The following SYNPR variants were observed in gnomAD, a reference collection of about 807,000 sequenced individuals.
SYNPR encodes the protein synaptoporin.
A neutral mutation model predicts 32.9 loss-of-function variants in SYNPR; 23 were observed. That is an observed-to-expected ratio of 0.70 (90% CI 0.50 to 0.99). The LOEUF is 0.99. Ranked by LOEUF, SYNPR falls within the 50% of genes least tolerant of loss-of-function variation. SYNPR has a pLI of 0.00. For missense variants in SYNPR, 318 were observed against 349.3 expected, an observed-to-expected ratio of 0.91 and a Z score of 0.71; for synonymous variants, 146 against 135.9, an observed-to-expected ratio of 1.07 and a Z score of -0.52.
intron 1 of SYNPR, among the ~76,000 whole-genome samples, chr3:63,247,240 A>G (rs2086299201): frequency 6.6e-6 from 1 of 152,114 alleles, no homozygotes; most frequent in East Asian, 1.9e-4. Context: ...TCTAAATACT[A>G]TTTGACTATT....
At chr3:63,326,490 A>T (rs910365049) in intron 2 of SYNPR, among the ~76,000 whole-genome samples, 4 of 152,166 alleles carry the variant, frequency 2.6e-5, no homozygotes, top group Non-Finnish European at 5.9e-5. Context: ...TCTCCTTCGT[A>T]ACAAATAGGA....
At chr3:63,414,734 T>G (rs1469566107) in intron 2 of SYNPR, among the ~76,000 whole-genome samples, 1 of 152,194 alleles carries the variant, frequency 6.6e-6, no homozygotes, top group Non-Finnish European at 1.5e-5. Flanking sequence ...TTACCAACTG[T>G]CTATATAAAC....
intron 2 of SYNPR, among the ~76,000 whole-genome samples, chr3:63,307,696 T>A (rs1281346760): frequency 6.6e-6 from 1 of 152,032 alleles, no homozygotes; most frequent in Non-Finnish European, 1.5e-5. Flanking sequence ...CTAATTCAGA[T>A]AATCATCCTT....
intron 1 of SYNPR, among the ~76,000 whole-genome samples, chr3:63,230,357 T>C (rs1353706592): frequency 1.3e-5 from 2 of 152,192 alleles, no homozygotes; most frequent in African/African-American, 4.8e-5. Flanking sequence ...AAATAGAGCA[T>C]GAAAATCAGG....
chr3:63,396,525 C>G (rs1487929660), intron 2 of SYNPR, among the ~76,000 whole-genome samples: 2 of 152,126 alleles, frequency 1.3e-5, no homozygotes, highest in African/African-American at 4.8e-5. Flanking sequence ...ACATCTTCAG[C>G]TGCCAGATTG....
intron 2 of SYNPR, among the ~76,000 whole-genome samples, chr3:63,372,381 G>A (rs941312029): frequency 6.6e-5 from 10 of 151,068 alleles, no homozygotes; most frequent in African/African-American, 2.2e-4. Context: ...GGAGCTCCCA[G>A]AGGCAACTGA....
At position 63,408,274 on chromosome 3, in the gene SYNPR, A is replaced by AGG. The variant is rs1560221109; in HGVS notation, c.85-72558_85-72557insGG. On this transcript the variant is annotated intron_variant, in intron 2 of 5. Coordinates refer to ENST00000478300, the MANE Select transcript of SYNPR (RefSeq NM_001130003.2). Reference sequence around the variant, plus strand: ...GAAAGAAAGAAAGAAAGAAAGAAAGAAAGAGGAAGGAAGGAAGGAAGGAAG... The same window carrying AGG: ...GAAAGAAAGAAAGAAAGAAAGAAAGAGGAAGAGGAAGGAAGGAAGGAAGGAAG... Among the ~76,000 whole-genome samples the AGG allele has an allele frequency of 1.1e-3, 119 of 109,004 alleles. 1 individual carries two copies. Among genetic ancestry groups the AGG allele is most frequent in the Non-Finnish European group, 1.6e-3 (88 of 53,572 alleles). 71.5% of individuals were successfully genotyped at this position (109,004 alleles called of 152,430 possible). A position where few individuals can be genotyped will look rare whatever the true frequency, so the allele number is the denominator to read the frequency against.
chr3:63,553,707 A>G (rs1004340437), intron 3 of SYNPR, among the ~76,000 whole-genome samples: 1 of 151,810 alleles, frequency 6.6e-6, no homozygotes, highest in Non-Finnish European at 1.5e-5. Context: ...GGCCACTTCT[A>G]TGTCTTTTTT....
chr3:63,578,249 T>G (rs572040516), intron 4 of SYNPR, among the ~76,000 whole-genome samples: 82 of 152,266 alleles, frequency 5.4e-4, no homozygotes, highest in African/African-American at 1.9e-3. Flanking sequence ...CTCAACCATT[T>G]ACAAGCCATG....
At chr3:63,326,051 A>G (rs1401020719) in intron 2 of SYNPR, among the ~76,000 whole-genome samples, 1 of 151,954 alleles carries the variant, frequency 6.6e-6, no homozygotes, top group Non-Finnish European at 1.5e-5. Context: ...TGGTGACCCC[A>G]TGTTTCTCTG....
intron 4 of SYNPR, among the ~76,000 whole-genome samples, chr3:63,586,472 A>G (rs1462638787): frequency 1.3e-5 from 2 of 151,988 alleles, no homozygotes; most frequent in African/African-American, 4.8e-5. Flanking sequence ...AAAAAATAAT[A>G]AAAACAACTT....
intron 2 of SYNPR, among the ~76,000 whole-genome samples, chr3:63,253,755 G>A: frequency 6.6e-6 from 1 of 152,170 alleles, no homozygotes; most frequent in Admixed American, 6.5e-5. Flanking sequence ...GGAAGTCAGT[G>A]TGGCGATTCC....
chr3:63,614,716 A>G (rs1700252341), intron 5 of SYNPR, among the ~76,000 whole-genome samples: 1 of 152,236 alleles, frequency 6.6e-6, no homozygotes, highest in Non-Finnish European at 1.5e-5. Flanking sequence ...CAAAAGCAGT[A>G]TCTCTAACCA....
intron 4 of SYNPR, among the ~76,000 whole-genome samples, chr3:63,572,847 C>G (rs1331619257): frequency 6.6e-6 from 1 of 152,080 alleles, no homozygotes; most frequent in African/African-American, 2.4e-5. Flanking sequence ...CAGAAGCCTC[C>G]TAGACTGCTT....
intron 2 of SYNPR, chr3:63,443,057 G>A (rs1322484114): frequency 4.9e-6 from 5 of 1,011,312 alleles, no homozygotes; most frequent in Non-Finnish European, 5.9e-6. Context: ...GCCTCTGTTG[G>A]TGATGCAGCC....
At chr3:63,514,764 A>C (rs137947926) in intron 3 of SYNPR, among the ~76,000 whole-genome samples, 195 of 152,272 alleles carry the variant, frequency 1.3e-3, no homozygotes, top group African/African-American at 4.3e-3. Flanking sequence ...TTTTTCTCCA[A>C]GCTCTTAATG....
intron 2 of SYNPR, among the ~76,000 whole-genome samples, chr3:63,433,895 C>T (rs1700035087): frequency 6.6e-6 from 1 of 152,120 alleles, no homozygotes; most frequent in South Asian, 2.1e-4. Flanking sequence ...ATAAGCACTC[C>T]AATTAAAATA....
chr3:63,311,655 C>T (rs1560187869), intron 2 of SYNPR, among the ~76,000 whole-genome samples: 1 of 151,930 alleles, frequency 6.6e-6, no homozygotes, highest in Admixed American at 6.6e-5. Context: ...CGGTTGGGGA[C>T]CACTGCTGCA....
At chr3:63,414,896 C>T (rs1049481804) in intron 2 of SYNPR, among the ~76,000 whole-genome samples, 1 of 152,114 alleles carries the variant, frequency 6.6e-6, no homozygotes, top group Non-Finnish European at 1.5e-5. Context: ...ACAGTATGGT[C>T]ATTTGTATAC....
Sources: gnomAD v4.1 joint callset for allele counts (sites outside exome capture counted in the v4.1 genomes callset) on GRCh38, gnomAD v4.1.1 for gene constraint, MANE v1.5 for transcripts, NCBI Gene and HGNC (gene_info 2026-07-23, HGNC 2026-07-21) for gene names.